PLCB1: variants seen among roughly 807,000 people sequenced by gnomAD.
PLCB1 encodes the protein phospholipase C beta 1, also known as 1-phosphatidylinositol 4,5-bisphosphate phosphodiesterase beta-1.
Under a neutral mutation model 161.8 loss-of-function variants are expected in PLCB1, and 46 were observed. The observed-to-expected ratio is 0.28, with a 90% confidence interval of 0.22 to 0.36. The LOEUF is 0.36. Among genes scored for constraint, PLCB1 ranks in the 10% least tolerant of loss-of-function variants. The pLI, the probability that PLCB1 is intolerant of heterozygous loss-of-function variation, is 1.00. For synonymous variants in PLCB1, 517 were observed against 503.7 expected (o/e 1.03, Z -0.35); for missense variants, 1,016 against 1,472.5 (o/e 0.69, Z 5.07).
At chr20:8,650,469 A>G (rs1377686803) in intron 7 of PLCB1, among the ~76,000 whole-genome samples, 1 of 152,148 alleles carries the variant, frequency 6.6e-6, no homozygotes, top group African/African-American at 2.4e-5. Context: ...TACAACCTCA[A>G]AACTGCCTGA....
intron 3 of PLCB1, among the ~76,000 whole-genome samples, chr20:8,391,067 T>TG: frequency 6.6e-6 from 1 of 151,942 alleles, no homozygotes; most frequent in Non-Finnish European, 1.5e-5. Context: ...TGTGATGTAG[T>TG]GGGAAAAAGC....
At chr20:8,215,819 C>T (rs1371685629) in intron 2 of PLCB1, among the ~76,000 whole-genome samples, 1 of 152,026 alleles carries the variant, frequency 6.6e-6, no homozygotes, top group East Asian at 1.9e-4. Flanking sequence ...AAATATTAGA[C>T]AATCTGCCAT....
intron 3 of PLCB1, among the ~76,000 whole-genome samples, chr20:8,523,496 C>CTCTCTA: frequency 0.012 from 603 of 51,580 alleles, 9 homozygotes; most frequent in East Asian, 0.02. Flanking sequence ...CTCTCTCTCT[C>CTCTCTA]TATATATATA....
intron 3 of PLCB1, among the ~76,000 whole-genome samples, chr20:8,592,850 A>G (rs1987192004): frequency 6.6e-6 from 1 of 152,178 alleles, no homozygotes; most frequent in Admixed American, 6.5e-5. Context: ...TCTGATTTAA[A>G]CATCACAGTG....
chr20:8,167,500 T>A (rs1225325841), intron 2 of PLCB1, among the ~76,000 whole-genome samples: 2 of 152,196 alleles, frequency 1.3e-5, no homozygotes, highest in Non-Finnish European at 2.9e-5. Flanking sequence ...CAGGTTAAAA[T>A]GCACATCTTT....
intron 2 of PLCB1, among the ~76,000 whole-genome samples, chr20:8,177,974 C>T (rs1427808861): frequency 6.6e-5 from 10 of 151,322 alleles, no homozygotes; most frequent in Non-Finnish European, 1.5e-4. Context: ...TGCGTTAGTT[C>T]ACTTAGGGTA....
At chr20:8,667,358 T>C (rs1192852798) in intron 9 of PLCB1, among the ~76,000 whole-genome samples, 1 of 152,218 alleles carries the variant, frequency 6.6e-6, no homozygotes, top group Non-Finnish European at 1.5e-5. Context: ...AACTTCATGT[T>C]TGGTATGTTC....
At chr20:8,683,454 A>G (rs1990271907) in intron 9 of PLCB1, among the ~76,000 whole-genome samples, 1 of 152,138 alleles carries the variant, frequency 6.6e-6, no homozygotes, top group South Asian at 2.1e-4. Flanking sequence ...ACTACCCGCA[A>G]ATATGTTGTT....
At chr20:8,214,726 T>C (rs756370775) in intron 2 of PLCB1, among the ~76,000 whole-genome samples, 1 of 152,130 alleles carries the variant, frequency 6.6e-6, no homozygotes, top group Non-Finnish European at 1.5e-5. Context: ...TCTTTTTTCA[T>C]GTGATAATAT....
At position 8,789,548 on chromosome 20, in the gene PLCB1, C is replaced by T. The variant is rs768348192; in HGVS notation, c.3309C>T (p.Ile1103=). 6.2e-7 allele frequency: 1 copy of T among 1,611,608 alleles called. No individual in the cohort carries two copies. The highest frequency in any genetic ancestry group is 8.5e-7 in the Non-Finnish European group (1 of 1,177,738). The change falls in exon 30 of 32, where the codon ATC becomes ATT. Residue 1103 remains isoleucine, a synonymous_variant. Transcript: ENST00000338037. ...EEKTEMIRSY[I]QEVVQYIKRL... ...AGACAGAGATGATCCGGTCATATAT[C>T]CAGGAAGTGGTGCAGTATATCAAGA...
At chr20:8,277,423 T>C (rs2123277015) in intron 2 of PLCB1, among the ~76,000 whole-genome samples, 1 of 152,258 alleles carries the variant, frequency 6.6e-6, no homozygotes, top group Middle Eastern at 3.4e-3. Context: ...TAAATGCTAC[T>C]CTAATATATT....
chr20:8,505,022 C>CTACT (rs926459348), intron 3 of PLCB1, among the ~76,000 whole-genome samples: 9 of 152,096 alleles, frequency 5.9e-5, no homozygotes, highest in African/African-American at 2.2e-4. Flanking sequence ...CCAAGCCGGG[C>CTACT]TACTTATTTT....
At chr20:8,178,786 A>C (rs905213689) in intron 2 of PLCB1, among the ~76,000 whole-genome samples, 2 of 152,188 alleles carry the variant, frequency 1.3e-5, no homozygotes, top group Admixed American at 6.5e-5. Context: ...TTAAGTCTTT[A>C]ATCCATTTGG....
At chr20:8,567,613 A>G (rs1267397079) in intron 3 of PLCB1, among the ~76,000 whole-genome samples, 1 of 152,138 alleles carries the variant, frequency 6.6e-6, no homozygotes, top group Non-Finnish European at 1.5e-5. Context: ...CAGAAACTTT[A>G]ATTTAACATA....
At chr20:8,703,740 C>T (rs1355850612) in intron 11 of PLCB1, among the ~76,000 whole-genome samples, 1 of 152,098 alleles carries the variant, frequency 6.6e-6, no homozygotes, top group Non-Finnish European at 1.5e-5. Context: ...GTAGTTCAGA[C>T]CACACTAGCA....
chr20:8,202,590 A>T (rs1053743181), intron 2 of PLCB1, among the ~76,000 whole-genome samples: 1 of 152,186 alleles, frequency 6.6e-6, no homozygotes, highest in African/African-American at 2.4e-5. Context: ...TATTTGTTGG[A>T]CTAGATAATA....
At chr20:8,863,903 C>A (rs1436705205) in intron 31 of PLCB1, among the ~76,000 whole-genome samples, 1 of 152,128 alleles carries the variant, frequency 6.6e-6, no homozygotes. Context: ...TCATTCATAG[C>A]AAGAACTCAT....
Position 8,628,295 on chromosome 20 carries a change from A to C in PLCB1, c.248A>C (p.Asp83Ala). 6.2e-7 allele frequency: 1 copy of C among 1,612,176 alleles called. No homozygotes were observed. The highest frequency in any genetic ancestry group is 8.5e-7 in the Non-Finnish European group (1 of 1,178,254). ...TTATTTTCAATATTTATTACCCAGGACCCCAAATTACGTGAACTTTTGGAT... is the reference window on the plus strand; with the variant it reads ...TTATTTTCAATATTTATTACCCAGGCCCCCAAATTACGTGAACTTTTGGAT... The part of the protein sequence containing the change: ...RCGRHAKAPK[D>A]PKLRELLDVG... The change falls in exon 4 of 32, where the codon GAC (aspartate) becomes GCC (alanine). Residue 83 changes from aspartate (D) to alanine (A), a missense_variant and splice_region_variant. Coordinates refer to ENST00000338037, the MANE Select transcript of PLCB1 (RefSeq NM_015192.4).
intron 31 of PLCB1, among the ~76,000 whole-genome samples, chr20:8,856,742 G>A (rs1444268947): frequency 6.6e-6 from 1 of 152,212 alleles, no homozygotes; most frequent in Admixed American, 6.5e-5. Context: ...TTGGAAGGTG[G>A]CAGGTAGAGG....
Sources: gnomAD v4.1 joint callset for allele counts (sites outside exome capture counted in the v4.1 genomes callset) on GRCh38, gnomAD v4.1.1 for gene constraint, MANE v1.5 for transcripts, NCBI Gene and HGNC (gene_info 2026-07-23, HGNC 2026-07-21) for gene names.